Variants in CSMD1 observed in about 807,000 individuals in gnomAD.
The protein encoded by CSMD1 is CUB and Sushi multiple domains 1.
In CSMD1, 213 loss-of-function variants were observed where a neutral mutation model predicts 417.5. That is an observed-to-expected ratio of 0.51 (90% CI 0.46 to 0.57). The LOEUF is 0.57. Ranked by LOEUF, CSMD1 falls within the 20% of genes least tolerant of loss-of-function variation. The probability of loss-of-function intolerance (pLI) is 0.00; values close to 1 mark genes in which losing one functional copy is unlikely to be tolerated. For missense variants in CSMD1, 6,923 were observed against 4,529.7 expected, an observed-to-expected ratio of 1.53 and a Z score of -15.17; for synonymous variants, 2,862 against 1,736.8, an observed-to-expected ratio of 1.65 and a Z score of -16.11.
At chr8:4,705,803 T>C (rs1807899494) in intron 1 of CSMD1, among the ~76,000 whole-genome samples, 1 of 152,166 alleles carries the variant, frequency 6.6e-6, no homozygotes, top group Admixed American at 6.6e-5. Flanking sequence ...GAGTGTCTAG[T>C]TCTGGGAGAA....
At chr8:4,448,823 G>C (rs1315318282) in intron 2 of CSMD1, among the ~76,000 whole-genome samples, 1 of 152,176 alleles carries the variant, frequency 6.6e-6, no homozygotes, top group South Asian at 2.1e-4. Context: ...TTCTGGGACA[G>C]GGTAAAAGGT....
At chr8:3,458,064 A>G (rs778710986) in intron 12 of CSMD1, among the ~76,000 whole-genome samples, 24 of 152,218 alleles carry the variant, frequency 1.6e-4, no homozygotes, top group Non-Finnish European at 2.4e-4. Flanking sequence ...TACAGATTGG[A>G]GAACGTCTCC....
At chr8:4,985,345 C>A (rs907592333) in intron 1 of CSMD1, among the ~76,000 whole-genome samples, 2 of 143,636 alleles carry the variant, frequency 1.4e-5, no homozygotes, top group Admixed American at 1.4e-4. Flanking sequence ...AACTTCATAT[C>A]CTGCACATCT....
chr8:3,283,528 C>T (rs950849521), intron 26 of CSMD1, among the ~76,000 whole-genome samples: 1 of 144,622 alleles, frequency 6.9e-6, no homozygotes, highest in Non-Finnish European at 1.5e-5. Flanking sequence ...TCCTTTGATA[C>T]TGACAGTGTT....
intron 15 of CSMD1, among the ~76,000 whole-genome samples, chr8:3,401,984 A>C (rs1563350192): frequency 6.6e-6 from 1 of 151,988 alleles, no homozygotes. Context: ...TTTAAATTAC[A>C]GTGATGAATT....
At chr8:4,956,523 T>G (rs187251375) in intron 1 of CSMD1, among the ~76,000 whole-genome samples, 26 of 149,066 alleles carry the variant, frequency 1.7e-4, no homozygotes, top group Admixed American at 6.0e-4. Context: ...ACACGTATTT[T>G]AAATATATTA....
At chr8:4,861,649 A>T (rs977353339) in intron 1 of CSMD1, among the ~76,000 whole-genome samples, 7 of 152,142 alleles carry the variant, frequency 4.6e-5, no homozygotes, top group Admixed American at 1.3e-4. Context: ...ATGCATTTAA[A>T]ACTTTGTGGT....
chr8:3,848,141 T>G (rs912992594), intron 5 of CSMD1, among the ~76,000 whole-genome samples: 8 of 152,242 alleles, frequency 5.3e-5, no homozygotes, highest in Non-Finnish European at 1.2e-4. Flanking sequence ...TTGCTGTGAC[T>G]GCTGTATGTG....
intron 23 of CSMD1, among the ~76,000 whole-genome samples, chr8:3,309,906 T>A (rs1805193178): frequency 6.6e-6 from 1 of 152,194 alleles, no homozygotes; most frequent in Non-Finnish European, 1.5e-5. Flanking sequence ...TTGCACTCAG[T>A]GACTAAGAAA....
intron 3 of CSMD1, among the ~76,000 whole-genome samples, chr8:4,354,699 G>A (rs1801296299): frequency 6.6e-6 from 1 of 152,060 alleles, no homozygotes; most frequent in South Asian, 2.1e-4. Flanking sequence ...TTGTCACCGT[G>A]TATATTTTTG....
At chr8:4,343,746 A>C (rs6558866) in intron 3 of CSMD1, among the ~76,000 whole-genome samples, 2 of 151,900 alleles carry the variant, frequency 1.3e-5, no homozygotes, top group South Asian at 2.1e-4. Context: ...TATCATCTTG[A>C]TGTGTGCACT....
intron 1 of CSMD1, among the ~76,000 whole-genome samples, chr8:4,741,607 C>A (rs1471503224): frequency 6.6e-6 from 1 of 152,136 alleles, no homozygotes. Flanking sequence ...ACAACAGGAC[C>A]TTTGAGGAAC....
intron 49 of CSMD1, among the ~76,000 whole-genome samples, chr8:3,077,831 T>C (rs956493854): frequency 4.6e-5 from 7 of 152,370 alleles, no homozygotes; most frequent in Non-Finnish European, 8.8e-5. Context: ...TATCCTTCAG[T>C]GTCAGCTGGT....
intron 23 of CSMD1, among the ~76,000 whole-genome samples, chr8:3,314,274 G>A (rs1190628272): frequency 2.0e-5 from 3 of 152,074 alleles, no homozygotes; most frequent in African/African-American, 7.2e-5. Flanking sequence ...TAAATCTCAA[G>A]TTTTTAAAGG....
At position 3,596,751 on chromosome 8, in the gene CSMD1, C is replaced by T. The variant is rs113141392; in HGVS notation, c.1098-10491G>A. ...CAGGAGGGTGGGCAAGAGAAGAAAA[C>T]ACTGCTATAATTCAGGGCACACACA... On this transcript the variant is annotated intron_variant, in intron 8 of 69. Transcript: ENST00000635120. Among the ~76,000 whole-genome samples the T allele has an allele frequency of 2.2e-3, 339 of 152,148 alleles. 1 individual carries two copies. The highest frequency in any genetic ancestry group is 7.8e-3 in the African/African-American group (325 of 41,504).
chr8:3,132,260 A>G (rs1404197320), intron 41 of CSMD1, among the ~76,000 whole-genome samples: 1 of 151,784 alleles, frequency 6.6e-6, no homozygotes, highest in Non-Finnish European at 1.5e-5. Flanking sequence ...TTATGACATT[A>G]TTTTACAAAA....
At chr8:3,707,350 C>T (rs892073231) in intron 7 of CSMD1, among the ~76,000 whole-genome samples, 2 of 152,146 alleles carry the variant, frequency 1.3e-5, no homozygotes, top group African/African-American at 2.4e-5. Flanking sequence ...AGCCCTTCCA[C>T]TAATTGCTAG....
At chr8:3,694,687 G>A (rs895724095) in intron 7 of CSMD1, among the ~76,000 whole-genome samples, 21 of 151,960 alleles carry the variant, frequency 1.4e-4, no homozygotes, top group African/African-American at 4.8e-4. Flanking sequence ...GAACTGCTGT[G>A]GGCTTTAGAG....
intron 3 of CSMD1, among the ~76,000 whole-genome samples, chr8:4,178,970 A>T (rs1453785731): frequency 6.6e-6 from 1 of 152,212 alleles, no homozygotes; most frequent in Non-Finnish European, 1.5e-5. Context: ...CATGGGTAGG[A>T]AGAATCAATA....
Sources: allele counts gnomAD v4.1 joint callset (sites outside exome capture counted in the v4.1 genomes callset), GRCh38; gene constraint gnomAD v4.1.1; transcripts MANE v1.5; gene names NCBI Gene and HGNC (gene_info 2026-07-23, HGNC 2026-07-21).